The following PDE5A variants were observed in gnomAD, a reference collection of about 807,000 sequenced individuals.
The protein encoded by PDE5A is phosphodiesterase 5A.
A neutral mutation model predicts 110.2 loss-of-function variants in PDE5A; 67 were observed. The ratio of observed to expected loss-of-function variants is 0.61; its 90% CI spans 0.50 to 0.75. The LOEUF (loss-of-function observed/expected upper bound fraction) is 0.75. PDE5A is among the 30% of genes least tolerant of loss of function. PDE5A has a pLI of 0.00. For missense variants in PDE5A, 862 were observed against 1,045.1 expected (o/e 0.82, Z 2.42); for synonymous variants, 328 against 351.2 (o/e 0.93, Z 0.74).
intron 3 of PDE5A, among the ~76,000 whole-genome samples, chr4:119,591,236 A>G (rs1334995063): frequency 2.0e-5 from 3 of 152,166 alleles, no homozygotes; most frequent in Non-Finnish European, 4.4e-5. Flanking sequence ...TTAAAGCTCT[A>G]TTAGTTCTAC....
chr4:119,581,864 G>A (rs1728600357), intron 3 of PDE5A, among the ~76,000 whole-genome samples: 1 of 152,170 alleles, frequency 6.6e-6, no homozygotes, highest in Non-Finnish European at 1.5e-5. Flanking sequence ...AAAAAACAAT[G>A]TACATACCAT....
chr4:119,520,004 A>G (rs186659299), intron 13 of PDE5A, among the ~76,000 whole-genome samples: 1 of 152,134 alleles, frequency 6.6e-6, no homozygotes, highest in Non-Finnish European at 1.5e-5. Flanking sequence ...TCAACCAGTA[A>G]GTATAATGCA....
chr4:119,553,126 C>A (rs2110496812), intron 8 of PDE5A, among the ~76,000 whole-genome samples: 1 of 152,146 alleles, frequency 6.6e-6, no homozygotes, highest in South Asian at 2.1e-4. Context: ...AAAATCAAGG[C>A]AGCTGCCTCA....
In PDE5A at chr4:119,521,009, C is replaced by A. The variant is rs779995549; in HGVS notation, c.1831G>T (p.Ala611Ser). 2 of 1,612,814 alleles carry A rather than the reference C, an allele frequency of 1.2e-6. No individual in the cohort carries two copies. The highest frequency in any genetic ancestry group is 8.5e-7 in the Non-Finnish European group (1 of 1,179,006). The change falls in exon 13 of 21, where the codon GCC becomes TCC. Residue 611 changes from alanine (A) to serine (S), a missense_variant. Transcript: ENST00000354960. ...SVKKNYRKNV[A>S]YHNWRHAFNT... ...AAGGCATGTCTCCAATTATGATAGG[C>A]AACATTCTTCCGATAATTCTTCTTA... is the stretch of plus-strand genomic sequence containing the variant.
intron 9 of PDE5A, among the ~76,000 whole-genome samples, chr4:119,550,748 T>C (rs1243375039): frequency 1.3e-5 from 2 of 152,218 alleles, no homozygotes; most frequent in African/African-American, 4.8e-5. Flanking sequence ...TAATTTCACA[T>C]TTTCAAAGGC....
chr4:119,603,378 AC>A (rs1236847031), intron 2 of PDE5A, among the ~76,000 whole-genome samples: 68 of 2,668 alleles, frequency 0.025, no homozygotes, highest in Middle Eastern at 0.17. Flanking sequence ...TAAAATAAAT[AC>A]ATACATACAT....
chr4:119,628,489 G>C (rs751040904), intron 1 of PDE5A, 31 bp downstream of exon 1: 2 of 1,517,364 alleles, frequency 1.3e-6, no homozygotes, highest in Admixed American at 3.8e-5. Context: ...AGAGAAATCA[G>C]CCCCGGGTCT....
intron 2 of PDE5A, among the ~76,000 whole-genome samples, chr4:119,603,283 G>A (rs1226982158): frequency 1.3e-5 from 2 of 152,154 alleles, no homozygotes; most frequent in African/African-American, 4.8e-5. Context: ...ACCTACTCAG[G>A]ACCATAGCCA....
At chr4:119,568,138 C>G (rs1387350339) in intron 3 of PDE5A, among the ~76,000 whole-genome samples, 1 of 151,316 alleles carries the variant, frequency 6.6e-6, no homozygotes, top group Admixed American at 6.6e-5. Flanking sequence ...TTCTCTCTCT[C>G]TCTCTTTTTT....
At chr4:119,540,123 T>A (rs1396639908) in intron 10 of PDE5A, among the ~76,000 whole-genome samples, 1 of 152,110 alleles carries the variant, frequency 6.6e-6, no homozygotes, top group African/African-American at 2.4e-5. Context: ...GAAAGCATAT[T>A]TTTTTAAAGT....
chr4:119,610,371 T>C (rs2110553115), intron 1 of PDE5A, among the ~76,000 whole-genome samples: 1 of 152,296 alleles, frequency 6.6e-6, no homozygotes, highest in Non-Finnish European at 1.5e-5. Context: ...AGTTAACATA[T>C]CTGATGTGAT....
chr4:119,538,363 A>G (rs990077526), intron 11 of PDE5A, among the ~76,000 whole-genome samples: 12 of 152,180 alleles, frequency 7.9e-5, no homozygotes, highest in African/African-American at 2.7e-4. Context: ...ACATTTAAAC[A>G]CAGGAGGACA....
chr4:119,520,277 G>T (rs1381736791), intron 13 of PDE5A, among the ~76,000 whole-genome samples: 2 of 152,110 alleles, frequency 1.3e-5, no homozygotes, highest in African/African-American at 4.8e-5. Context: ...ATTAAAAACA[G>T]TTATATGATG....
intron 16 of PDE5A, among the ~76,000 whole-genome samples, chr4:119,506,575 T>C (rs1267544342): frequency 1.3e-5 from 2 of 151,854 alleles, no homozygotes; most frequent in African/African-American, 4.8e-5. Flanking sequence ...TGATAGTATA[T>C]GGTTATAAAA....
chr4:119,506,383 A>C (rs1305079884), intron 16 of PDE5A, among the ~76,000 whole-genome samples: 1 of 151,848 alleles, frequency 6.6e-6, no homozygotes, highest in East Asian at 1.9e-4. Context: ...GTAAAGTTTA[A>C]AATAAAATAA....
chr4:119,519,659 A>T (rs1407682098), intron 13 of PDE5A: 1 of 152,336 alleles, frequency 6.6e-6, no homozygotes. Context: ...TGCTATGAGT[A>T]TTATCATTAA....
At position 119,532,310 on chromosome 4, in the gene PDE5A, T is replaced by A. The variant is rs895215974; in HGVS notation, c.1633-6615A>T. Among the ~76,000 whole-genome samples the A allele has an allele frequency of 1.3e-5, 2 of 152,092 alleles. 1 individual carries two copies. The highest frequency in any genetic ancestry group is 1.3e-4 in the Admixed American group (2 of 15,264). ...CTGAAGGGAAAGATAGATACATAAA[T>A]GAAATACATATTTTTTAAGTGGAAT... On this transcript the variant is annotated intron_variant, in intron 11 of 20. Transcript: ENST00000354960.
At chr4:119,557,303 T>C (rs999290535) in intron 7 of PDE5A, among the ~76,000 whole-genome samples, 3 of 152,200 alleles carry the variant, frequency 2.0e-5, no homozygotes, top group Admixed American at 2.0e-4. Flanking sequence ...GGTCAGACTT[T>C]CGTGTTGGTC....
At chr4:119,574,179 C>CTT (rs70944893) in intron 3 of PDE5A, among the ~76,000 whole-genome samples, 2,339 of 89,156 alleles carry the variant, frequency 0.026, 210 homozygotes, top group African/African-American at 0.041. Flanking sequence ...AAAATATAGG[C>CTT]TTTTTTTTTT....
Sources: allele counts gnomAD v4.1 joint callset (sites outside exome capture counted in the v4.1 genomes callset), GRCh38; gene constraint gnomAD v4.1.1; transcripts MANE v1.5; gene names NCBI Gene and HGNC (gene_info 2026-07-23, HGNC 2026-07-21).